SLC39A9: variants seen among roughly 807,000 people sequenced by gnomAD.
SLC39A9 encodes the protein solute carrier family 39 member 9.
Under a neutral mutation model 28.4 loss-of-function variants are expected in SLC39A9, and 14 were observed. The ratio of observed to expected loss-of-function variants is 0.49; its 90% CI spans 0.33 to 0.77. The LOEUF is 0.77. SLC39A9 is among the 30% of genes least tolerant of loss of function. SLC39A9 has a pLI of 0.02. For synonymous variants in SLC39A9, 119 were observed against 149.6 expected (o/e 0.80, Z 1.49); for missense variants, 283 against 381.1 (o/e 0.74, Z 2.14).
At position 69,455,742 on chromosome 14, in the gene SLC39A9, C is replaced by T; in HGVS notation, c.569C>T (p.Ala190Val). The T allele has an allele frequency of 6.2e-7, 1 of 1,614,170 alleles. No homozygotes were observed. ...ATTTTTTATTTCCAGGCACCAGCTG[C>T]TTTTGGACTGGTTTCCTTCTTGATG... The part of the protein sequence containing the change: ...VAIMLHKAPA[A>V]FGLVSFLMHA... The change falls in exon 6 of 7, where the codon GCT becomes GTT. Residue 190 changes from alanine (A) to valine (V), a missense_variant. Transcript: ENST00000336643.
Position 69,415,918 on chromosome 14 carries a change from T to TTTA in SLC39A9, c.97-8159_97-8157dup, listed in dbSNP as rs373898847. Among the ~76,000 whole-genome samples, 787 of 151,990 alleles carry TTTA rather than the reference T, an allele frequency of 5.2e-3. 9 individuals carry two copies. Among genetic ancestry groups the TTTA allele is most frequent in the African/African-American group, 0.018 (739 of 41,466 alleles). On this transcript the variant is annotated intron_variant, in intron 1 of 6. Transcript: ENST00000336643. ...GCTACTGTTTTTGCTAACTAACCTC[T>TTTA]TTATTATTATTATTATTATACTTTT...
At chr14:69,456,156 G>A (rs1020521655) in intron 6 of SLC39A9, among the ~76,000 whole-genome samples, 1 of 152,158 alleles carries the variant, frequency 6.6e-6, no homozygotes. Context: ...AGCCATGCTA[G>A]CTTCATTTGA....
At position 69,399,454 on chromosome 14, in the gene SLC39A9, A is replaced by T; in HGVS notation, c.85A>T (p.Asn29Tyr). The T allele has an allele frequency of 1.2e-6, 2 of 1,613,438 alleles. No individual in the cohort carries two copies. Among genetic ancestry groups the T allele is most frequent in the Non-Finnish European group, 1.7e-6 (2 of 1,179,700 alleles). The change falls in exon 1 of 7, where the codon AAT becomes TAT. Residue 29 changes from asparagine to tyrosine, a missense_variant. By Grantham distance (143) the Asn-to-Tyr change is moderately radical (BLOSUM62 -2). Transcript: ENST00000336643. ...YVAGIIPLAV[N>Y]FSEERLKLVT... Reference sequence around the variant, plus strand: ...GGCCGGAATCATTCCCTTGGCTGTTAATTTCTCAGAGGTAAGAAATTCTCA... The same window carrying T: ...GGCCGGAATCATTCCCTTGGCTGTTTATTTCTCAGAGGTAAGAAATTCTCA...
chr14:69,454,294 G>A (rs781414333), intron 4 of SLC39A9, among the ~76,000 whole-genome samples: 3 of 151,828 alleles, frequency 2.0e-5, no homozygotes, highest in Non-Finnish European at 1.5e-5. Flanking sequence ...TTTTTGAGAC[G>A]GAGTCTCACT....
At chr14:69,448,958 T>C (rs1431064790) in intron 3 of SLC39A9, among the ~76,000 whole-genome samples, 1 of 152,174 alleles carries the variant, frequency 6.6e-6, no homozygotes, top group Non-Finnish European at 1.5e-5. Context: ...TTAATCAATA[T>C]ATTGGTCCAT....
At chr14:69,431,972 C>T (rs1245019765) in intron 2 of SLC39A9, among the ~76,000 whole-genome samples, 5 of 152,146 alleles carry the variant, frequency 3.3e-5, no homozygotes, top group African/African-American at 1.2e-4. Flanking sequence ...TGATGGGCAA[C>T]TAGGTTGATT....
intron 1 of SLC39A9, among the ~76,000 whole-genome samples, chr14:69,402,701 C>A (rs970673037): frequency 1.3e-5 from 2 of 152,094 alleles, no homozygotes; most frequent in African/African-American, 4.8e-5. Context: ...AAAAAAAATC[C>A]GATTCTCAAA....
chr14:69,400,781 TTC>T (rs1308718447), intron 1 of SLC39A9, among the ~76,000 whole-genome samples: 1 of 152,094 alleles, frequency 6.6e-6, no homozygotes, highest in Admixed American at 6.6e-5. Flanking sequence ...GTTGTTCTTT[TTC>T]TGTTTCCTTT....
Position 69,460,503 on chromosome 14 carries a change from A to T in SLC39A9, c.*1910A>T, listed in dbSNP as rs958955611. ...CCTTCAAAACTATATGGTTGCCTAG[A>T]TTCTCTCTGGAAACTGACTTTGTCA... On this transcript the variant is annotated 3_prime_UTR_variant, in exon 7 of 7. Coordinates refer to ENST00000336643, the MANE Select transcript of SLC39A9 (RefSeq NM_018375.5). 6 of 985,354 alleles carry T rather than the reference A, an allele frequency of 6.1e-6. No individual in the cohort carries two copies. The African/African-American group carries it at 1.0e-4, about 17-fold the overall frequency. The allele number at this position is 985,354 out of a possible 1,614,324, so 61.0% of individuals were successfully genotyped here. A position where few individuals can be genotyped will look rare whatever the true frequency, so the allele number is the denominator to read the frequency against.
Position 69,461,114 on chromosome 14 carries a change from A to G in SLC39A9, c.*2521A>G. 1 of 986,834 alleles carries G rather than the reference A, an allele frequency of 1.0e-6. No homozygotes were observed. Among genetic ancestry groups the G allele is most frequent in the Non-Finnish European group, 1.2e-6 (1 of 830,906 alleles). The allele number at this position is 986,834 out of a possible 1,614,324, so 61.1% of individuals were successfully genotyped here. ...CATTTGAAAACATTGGCAATACTTAAGTTGCTGCCATGATTACAGATGGAA... is the reference window on the plus strand; with the variant it reads ...CATTTGAAAACATTGGCAATACTTAGGTTGCTGCCATGATTACAGATGGAA... On this transcript the variant is annotated 3_prime_UTR_variant, in exon 7 of 7. Coordinates refer to ENST00000336643, the MANE Select transcript of SLC39A9 (RefSeq NM_018375.5).
chr14:69,451,630 T>G (rs567189721), intron 3 of SLC39A9, among the ~76,000 whole-genome samples: 1 of 152,316 alleles, frequency 6.6e-6, no homozygotes, highest in South Asian at 2.1e-4. Flanking sequence ...AGGTGGTGTA[T>G]AGAGGAACCT....
Position 69,461,888 on chromosome 14 carries a change from A to G in SLC39A9, c.*3295A>G. 1.3e-6 allele frequency: 1 copy of G among 746,686 alleles called. No homozygotes were observed. Among genetic ancestry groups the G allele is most frequent in the Non-Finnish European group, 2.1e-6 (1 of 483,884 alleles). 46.3% of individuals were successfully genotyped at this position (746,686 alleles called of 1,614,324 possible). A position where few individuals can be genotyped will look rare whatever the true frequency, so the allele number is the denominator to read the frequency against. ...ATTCATCCAGAACTGCTGCAGTGTT[A>G]AGTGAAAATCCTCTGTAGTTGTTCT... is the stretch of plus-strand genomic sequence containing the variant. On this transcript the variant is annotated 3_prime_UTR_variant, in exon 7 of 7. Transcript: ENST00000336643.
chr14:69,447,130 T>A (rs1393161076), intron 3 of SLC39A9, among the ~76,000 whole-genome samples: 1 of 152,106 alleles, frequency 6.6e-6, no homozygotes, highest in Non-Finnish European at 1.5e-5. Flanking sequence ...AAATTTTTAT[T>A]TCCTTATTGG....
In SLC39A9 at chr14:69,459,312, G is replaced by A; in HGVS notation, c.*719G>A. Reference sequence around the variant, plus strand: ...AGGTGGGAGGAGCTTCTAAAGAGGTGACTGGTATTTTGTAGCATTCCTTGT... The same window carrying A: ...AGGTGGGAGGAGCTTCTAAAGAGGTAACTGGTATTTTGTAGCATTCCTTGT... On this transcript the variant is annotated 3_prime_UTR_variant, in exon 7 of 7. Coordinates refer to ENST00000336643, the MANE Select transcript of SLC39A9 (RefSeq NM_018375.5). 1 of 985,424 alleles carries A rather than the reference G, an allele frequency of 1.0e-6. No individual in the cohort carries two copies. The highest frequency in any genetic ancestry group is 1.2e-6 in the Non-Finnish European group (1 of 829,944). The allele number at this position is 985,424 out of a possible 1,614,324, so 61.0% of individuals were successfully genotyped here.
At chr14:69,444,778 A>G (rs916595136) in intron 3 of SLC39A9, among the ~76,000 whole-genome samples, 4 of 152,216 alleles carry the variant, frequency 2.6e-5, no homozygotes, top group Admixed American at 2.0e-4. Context: ...TGGTATGTAC[A>G]CATAATGGAG....
chr14:69,448,214 CAAA>C (rs34195562), intron 3 of SLC39A9, among the ~76,000 whole-genome samples: 1 of 87,224 alleles, frequency 1.1e-5, no homozygotes, highest in South Asian at 4.8e-4. Flanking sequence ...GACTCTGTCT[CAAA>C]AAAAAAAAAA....
Position 69,398,979 on chromosome 14 carries a change from G to A in SLC39A9, c.-391G>A, listed in dbSNP as rs1384366564. Reference sequence around the variant, plus strand: ...ACAGGGGCGCCTAGGGAACGAACAGGTTCGCTTGAGTCACTTACCCGCCGC... The same window carrying A: ...ACAGGGGCGCCTAGGGAACGAACAGATTCGCTTGAGTCACTTACCCGCCGC... On this transcript the variant is annotated 5_prime_UTR_variant, in exon 1 of 7. Coordinates refer to ENST00000336643, the MANE Select transcript of SLC39A9 (RefSeq NM_018375.5). 2.5e-5 allele frequency: 5 copies of A among 198,982 alleles called. No homozygotes were observed. The highest frequency in any genetic ancestry group is 5.1e-5 in the Non-Finnish European group (5 of 97,452). The allele number at this position is 198,982 out of a possible 1,614,324, so 12.3% of individuals were successfully genotyped here.
intron 1 of SLC39A9, among the ~76,000 whole-genome samples, chr14:69,407,492 C>T (rs1016149259): frequency 6.6e-6 from 1 of 151,884 alleles, no homozygotes; most frequent in African/African-American, 2.4e-5. Flanking sequence ...CATGCACCAC[C>T]ACGCCCCACT....
intron 1 of SLC39A9, among the ~76,000 whole-genome samples, chr14:69,405,169 A>C (rs999785757): frequency 6.6e-6 from 1 of 152,194 alleles, no homozygotes. Flanking sequence ...ACTACAACTC[A>C]AGATGAGATT....
Sources: gnomAD v4.1 joint callset for allele counts (sites outside exome capture counted in the v4.1 genomes callset) on GRCh38, gnomAD v4.1.1 for gene constraint, MANE v1.5 for transcripts, NCBI Gene and HGNC (gene_info 2026-07-23, HGNC 2026-07-21) for gene names.